Variants in PEAK3 observed in about 807,000 individuals in gnomAD.
PEAK3 encodes the protein PEAK family member 3.
In PEAK3, 15 loss-of-function variants were observed where a neutral mutation model predicts 13.3. The ratio of observed to expected loss-of-function variants is 1.13; its 90% CI spans 0.75 to 1.73. PEAK3 has a LOEUF of 1.73. Ranked by LOEUF, PEAK3 falls within the 40% of genes most tolerant of loss-of-function variation. PEAK3 has a pLI of 0.00. For missense variants in PEAK3, 739 were observed against 690.2 expected (o/e 1.07, Z -0.79); for synonymous variants, 347 against 341.9 (o/e 1.01, Z -0.17).
At chr19:2,278,168 CTTTTTTT>C (rs773451434) in intron 3 of PEAK3, among the ~76,000 whole-genome samples, 2 of 119,814 alleles carry the variant, frequency 1.7e-5, no homozygotes, top group Non-Finnish European at 3.5e-5. Context: ...CGGCCTTTTT[CTTTTTTT>C]TTTTTTTGAG....
At chr19:2,278,085 T>G (rs2025406921) in intron 3 of PEAK3, among the ~76,000 whole-genome samples, 2 of 148,980 alleles carry the variant, frequency 1.3e-5, no homozygotes, top group South Asian at 4.3e-4. Flanking sequence ...GGATGGTCTG[T>G]ATCTCCTGAC....
intron 2 of PEAK3, 152 bp from the exon 3 acceptor site, chr19:2,279,265 A>T (rs1599159091): frequency 1.6e-6 from 1 of 612,850 alleles, no homozygotes; most frequent in Non-Finnish European, 2.5e-6. Context: ...AGCACTTAGG[A>T]AGGTGGAAGC....
intron 3 of PEAK3, among the ~76,000 whole-genome samples, chr19:2,277,177 G>A (rs1170226638): frequency 1.3e-5 from 2 of 152,100 alleles, no homozygotes; most frequent in Non-Finnish European, 2.9e-5. Context: ...AAATAAACAA[G>A]TCTAATATGG....
In PEAK3 at chr19:2,275,934, G is replaced by T; in HGVS notation, c.1168C>A (p.Arg390=). 2.9e-6 allele frequency: 4 copies of T among 1,381,402 alleles called. No homozygotes were observed. In the South Asian group the frequency reaches 4.8e-5, roughly 17 times the overall value. 85.6% of individuals were successfully genotyped at this position (1,381,402 alleles called of 1,614,324 possible). ...QLTRLRPSAS[R]TRGALQALLW... is the part of the protein sequence containing the mutation. The stretch of plus-strand genomic sequence containing the variant: ...AGCGCCTGCAGCGCGCCCCGCGTCC[G>T]GGACGCCGAGGGCCGCAAGCGGGTC... The change falls in exon 4 of 4, where the codon CGG becomes AGG. Residue 390 remains arginine, a synonymous_variant. Transcript: ENST00000342063.
At chr19:2,280,678 TGGCCTACTCCG>T (rs990902298) in intron 2 of PEAK3, among the ~76,000 whole-genome samples, 161 bp downstream of exon 2, 23 of 152,130 alleles carry the variant, frequency 1.5e-4, no homozygotes, top group African/African-American at 5.6e-4. Context: ...TTTTCAGCCC[TGGCCTACTCCG>T]GGCCTTCCCG....
chr19:2,279,634 C>G (rs1036914286), intron 2 of PEAK3, among the ~76,000 whole-genome samples: 2 of 151,512 alleles, frequency 1.3e-5, no homozygotes, highest in Admixed American at 1.3e-4. Context: ...CCAGCCTGGG[C>G]GGCAGAGCTT....
rs762805929 is a variant in PEAK3 at position 2,278,846 on chromosome 19, G to A, written c.350C>T (p.Ala117Val). ...GAGGGAGAGGCCCAGTGGGGCGTCA[G>A]CCGGGCCAAAGGTCAGCTCTGCAGG... The part of the protein sequence containing the change: ...CLPAELTFGP[A>V]DAPLGLSLRD... Residue 117 changes from alanine to valine, a missense_variant, in exon 3 of 4, where the codon GCT becomes GTT. Transcript: ENST00000342063. The A allele has an allele frequency of 1.3e-6, 2 of 1,597,636 alleles. No homozygotes were observed. Among genetic ancestry groups the A allele is most frequent in the Non-Finnish European group, 1.7e-6 (2 of 1,172,478 alleles).
rs371294668 is a variant in PEAK3, at chr19:2,280,803, C to T, written c.82+47G>A. On this transcript the variant is annotated intron_variant, in intron 2 of 3. Coordinates refer to ENST00000342063, the MANE Select transcript of PEAK3 (RefSeq NM_198532.3). ...CCTGCCGCTCCCTGCACCCCCCTGCCGCTCCCTGCACCCCCGCAGCCCAGG... is the reference window on the plus strand; with the variant it reads ...CCTGCCGCTCCCTGCACCCCCCTGCTGCTCCCTGCACCCCCGCAGCCCAGG... 5.8e-4 allele frequency: 870 copies of T among 1,501,268 alleles called. 1 individual carries two copies. Among genetic ancestry groups the T allele is most frequent in the African/African-American group, 5.8e-3 (409 of 70,882 alleles). The allele number at this position is 1,501,268 out of a possible 1,614,324, so 93.0% of individuals were successfully genotyped here. A position where few individuals can be genotyped will look rare whatever the true frequency, so the allele number is the denominator to read the frequency against.
rs1049242613 is a variant in PEAK3 at position 2,280,952 on chromosome 19, C to T, written c.-4-17G>A. ...CTCATGTTGCTGGGGAAAGGTCAAA[C>T]GGGGCGTGTGTGGGGTGACCGTGTG... On this transcript the variant is annotated splice_polypyrimidine_tract_variant and intron_variant, in intron 1 of 3. Coordinates refer to ENST00000342063, the MANE Select transcript of PEAK3 (RefSeq NM_198532.3). 9 of 1,517,530 alleles carry T rather than the reference C, an allele frequency of 5.9e-6. No individual in the cohort carries two copies. The highest frequency in any genetic ancestry group is 2.8e-5 in the African/African-American group (2 of 71,002). 94.0% of individuals were successfully genotyped at this position (1,517,530 alleles called of 1,614,324 possible). A position where few individuals can be genotyped will look rare whatever the true frequency, so the allele number is the denominator to read the frequency against.
rs1297509325 is a variant in PEAK3 at position 2,278,761 on chromosome 19, G to A, written c.435C>T (p.Gly145=). The part of the protein sequence containing the change: ...HTALAARQLQ[G]LRTIYARLRA... ...GGAGCCGGGCATAGATGGTACGGAG[G>A]CCCTGCAGCTGCCGCGCAGCCAGTG... The change falls in exon 3 of 4, where the codon GGC becomes GGT. Residue 145 remains glycine, a synonymous_variant. Coordinates refer to ENST00000342063, the MANE Select transcript of PEAK3 (RefSeq NM_198532.3). The A allele has an allele frequency of 1.9e-6, 3 of 1,557,438 alleles. No homozygotes were observed. The Admixed American group carries it at 5.8e-5, about 30-fold the overall frequency.
At position 2,274,885 on chromosome 19, in the gene PEAK3, T is replaced by C. The variant is rs1386078527; in HGVS notation, c.*795A>G. The C allele has an allele frequency of 8.4e-6, 1 of 119,738 alleles. No homozygotes were observed. Among genetic ancestry groups the C allele is most frequent in the African/African-American group, 3.2e-5 (1 of 31,024 alleles). The allele number at this position is 119,738 out of a possible 1,614,324, so 7.4% of individuals were successfully genotyped here. ...TACTCGGGAGGCTGAGGCAGGAGAA[T>C]GGCGTGAACCCGGGAGGCGGAGCTT... On this transcript the variant is annotated 3_prime_UTR_variant, in exon 4 of 4. Transcript: ENST00000342063.
Position 2,278,804 on chromosome 19 carries a change from G to C in PEAK3, c.392C>G (p.Pro131Arg), listed in dbSNP as rs756365916. The change falls in exon 3 of 4, where the codon CCG becomes CGG. Residue 131 changes from proline (P) to arginine (R), a missense_variant. Coordinates refer to ENST00000342063, the MANE Select transcript of PEAK3 (RefSeq NM_198532.3). ...LGLSLRDLHS[P>R]EAVHTALAAR... ...AGCCAGTGCAGTGTGCACAGCCTCCGGGCTGTGCAGATCGCGGAGGGAGAG... is the reference window on the plus strand; with the variant it reads ...AGCCAGTGCAGTGTGCACAGCCTCCCGGCTGTGCAGATCGCGGAGGGAGAG... 1.3e-6 allele frequency: 2 copies of C among 1,590,850 alleles called. No individual in the cohort carries two copies. The highest frequency in any genetic ancestry group is 2.3e-5 in the East Asian group (1 of 43,578).
chr19:2,278,296 CTGGGTTTACAGGCGCCCG>C (rs1414603499), intron 3 of PEAK3, among the ~76,000 whole-genome samples: 2 of 148,626 alleles, frequency 1.3e-5, no homozygotes, highest in African/African-American at 5.1e-5. Flanking sequence ...TCCCAAGTAG[CTGGGTTTACAGGCGCCCG>C]CCACCACACC....
At chr19:2,277,290 C>G (rs938468125) in intron 3 of PEAK3, among the ~76,000 whole-genome samples, 8 of 152,130 alleles carry the variant, frequency 5.3e-5, no homozygotes, top group Admixed American at 1.3e-4. Context: ...AATGGCTCAG[C>G]ACCATCTCCC....
At chr19:2,280,773 ACC>A in intron 2 of PEAK3, 75 bp downstream of exon 2, 1 of 1,033,680 alleles carries the variant, frequency 9.7e-7, no homozygotes, top group Non-Finnish European at 1.3e-6. Flanking sequence ...CGCTCCCTGC[ACC>A]CACCTGCCGC....
In PEAK3 at chr19:2,275,702, GCCTGGCCCATCGAGGACTCGGTGGC is replaced by G. The variant is rs2025378463; in HGVS notation, c.1375_1399del (p.Ala459ProfsTer92). The G allele has an allele frequency of 6.6e-7, 1 of 1,525,830 alleles. No homozygotes were observed. The highest frequency in any genetic ancestry group is 8.8e-7 in the Non-Finnish European group (1 of 1,135,450). The allele number at this position is 1,525,830 out of a possible 1,614,324, so 94.5% of individuals were successfully genotyped here. A position where few individuals can be genotyped will look rare whatever the true frequency, so the allele number is the denominator to read the frequency against. ...GGGTCAGTCCCACAGCAGCGCCAGG[GCCTGGCCCATCGAGGACTCGGTGGC>G]CTCGGCCAGGTATTCGCAACACAGC... On this transcript the variant is annotated frameshift_variant, in exon 4 of 4. Coordinates refer to ENST00000342063, the MANE Select transcript of PEAK3 (RefSeq NM_198532.3). LOFTEE classifies it high-confidence loss of function.
Position 2,276,200 on chromosome 19 carries a change from G to T in PEAK3, c.902C>A (p.Ala301Asp). The T allele has an allele frequency of 6.4e-7, 1 of 1,560,340 alleles. No individual in the cohort carries two copies. The highest frequency in any genetic ancestry group is 8.6e-7 in the Non-Finnish European group (1 of 1,156,212). ...ALKFLEAWGA[A>D]LVELRPENLL... ...GTTCTCCGGCCGCAACTCGACTAGGGCCGCGCCCCACGCCTCCAGGAACTT... is the reference window on the plus strand; with the variant it reads ...GTTCTCCGGCCGCAACTCGACTAGGTCCGCGCCCCACGCCTCCAGGAACTT... The change falls in exon 4 of 4, where the codon GCC becomes GAC. Residue 301 changes from alanine (A) to aspartate (D), a missense_variant. Transcript: ENST00000342063.
Position 2,276,290 on chromosome 19 carries a change from G to A in PEAK3, c.812C>T (p.Thr271Met), listed in dbSNP as rs750922853. Residue 271 changes from threonine (T) to methionine (M), a missense_variant, in exon 4 of 4, where the codon ACG (threonine) becomes ATG (methionine). Coordinates refer to ENST00000342063, the MANE Select transcript of PEAK3 (RefSeq NM_198532.3). ...TVAQWLAEAC[T>M]QPPEEFVWAV... is the part of the protein sequence containing the mutation. Reference sequence around the variant, plus strand: ...CCACACGAACTCCTCCGGCGGCTGCGTGCAGGCCTCCGCCAGCCACTGCGC... The same window carrying A: ...CCACACGAACTCCTCCGGCGGCTGCATGCAGGCCTCCGCCAGCCACTGCGC... 3.8e-6 allele frequency: 6 copies of A among 1,591,840 alleles called. No individual in the cohort carries two copies. The highest frequency in any genetic ancestry group is 5.1e-6 in the Non-Finnish European group (6 of 1,176,154).
intron 3 of PEAK3, among the ~76,000 whole-genome samples, chr19:2,276,882 C>T (rs1057434385): frequency 2.6e-5 from 4 of 152,186 alleles, no homozygotes; most frequent in Admixed American, 1.3e-4. Flanking sequence ...GGCGTGGTGG[C>T]GCGCCTGTCA....
Sources: allele counts gnomAD v4.1 joint callset (sites outside exome capture counted in the v4.1 genomes callset), GRCh38; gene constraint gnomAD v4.1.1; transcripts MANE v1.5; gene names NCBI Gene and HGNC (gene_info 2026-07-23, HGNC 2026-07-21).